Variants in NAP1L4 observed in about 807,000 individuals in gnomAD.
NAP1L4 encodes the protein nucleosome assembly protein 1 like 4.
A neutral mutation model predicts 58.2 loss-of-function variants in NAP1L4; 15 were observed. That is an observed-to-expected ratio of 0.26 (90% confidence interval 0.17 to 0.40). The LOEUF is 0.40. Among genes scored for constraint, NAP1L4 ranks in the 10% least tolerant of loss-of-function variants. The pLI, the probability that NAP1L4 is intolerant of heterozygous loss-of-function variation, is 1.00. For synonymous variants in NAP1L4, 171 were observed against 155.6 expected (o/e 1.10, Z -0.74); for missense variants, 384 against 451.1 (o/e 0.85, Z 1.35).
rs545842909 is a variant in NAP1L4 at position 2,953,216 on chromosome 11, A to G, written c.1035+1311T>C. Among the ~76,000 whole-genome samples the G allele has an allele frequency of 3.9e-5, 6 of 152,386 alleles. No homozygotes were observed. In the South Asian group the frequency reaches 1.2e-3, roughly 32 times the overall value. On this transcript the variant is annotated intron_variant, in intron 12 of 15. Coordinates refer to ENST00000380542, the MANE Select transcript of NAP1L4 (RefSeq NM_005969.4). ...ATTGTGAATGAAACGCACATGTACTATAAGCAAATGTGGCACAGTGCTCAC... is the reference window on the plus strand; with the variant it reads ...ATTGTGAATGAAACGCACATGTACTGTAAGCAAATGTGGCACAGTGCTCAC...
intron 4 of NAP1L4, 98 bp downstream of exon 4, chr11:2,975,926 A>C: frequency 2.8e-6 from 3 of 1,083,308 alleles, no homozygotes; most frequent in Non-Finnish European, 4.0e-6. Flanking sequence ...GAACGAAAAA[A>C]ACATTTAATC....
chr11:2,972,769 G>GACC (rs1275727719), intron 4 of NAP1L4, among the ~76,000 whole-genome samples: 2 of 152,172 alleles, frequency 1.3e-5, no homozygotes, highest in African/African-American at 4.8e-5. Context: ...AGGACTCCAA[G>GACC]ACCAGCCTGA....
chr11:2,951,840 T>A lies in NAP1L4; in HGVS notation c.1036-31A>T. On this transcript the variant is annotated intron_variant, in intron 12 of 15. Transcript: ENST00000380542. The surrounding 1 kb of genome is among the most constrained non-coding windows in gnomAD (Gnocchi z 4.0). ...GAAACACAGAAAAACATTTTTAGGTTTACAAAACATGACAGCAGCCTGCCC... is the reference window on the plus strand; with the variant it reads ...GAAACACAGAAAAACATTTTTAGGTATACAAAACATGACAGCAGCCTGCCC... The A allele has an allele frequency of 6.2e-7, 1 of 1,610,400 alleles. No individual in the cohort carries two copies. The highest frequency in any genetic ancestry group is 8.5e-7 in the Non-Finnish European group (1 of 1,176,846).
At chr11:2,958,846 T>A in intron 9 of NAP1L4, 1 of 345,498 alleles carries the variant, frequency 2.9e-6, no homozygotes, top group South Asian at 4.0e-5. Context: ...CCCCGTCAAG[T>A]CTGCATGATG....
At chr11:2,970,002 A>G (rs1204924240) in intron 6 of NAP1L4, 68 bp from the exon 7 acceptor site, 36 of 1,498,430 alleles carry the variant, frequency 2.4e-5, no homozygotes, top group Non-Finnish European at 3.0e-5. Flanking sequence ...CTTCACGTAG[A>G]ATATCGTTGC....
At position 2,959,479 on chromosome 11, in the gene NAP1L4, G is replaced by A. The variant is rs572959809; in HGVS notation, c.746+291C>T. On this transcript the variant is annotated intron_variant, in intron 9 of 15. Coordinates refer to ENST00000380542, the MANE Select transcript of NAP1L4 (RefSeq NM_005969.4). The surrounding 1 kb of genome is among the most constrained non-coding windows in gnomAD (Gnocchi z 4.9). ...TTCAATTTTAAGAACTTCAATTCAC[G>A]ATGTCTAGAGAATCCACTACTTTCA... Among the ~76,000 whole-genome samples the A allele has an allele frequency of 7.9e-5, 12 of 152,104 alleles. No individual in the cohort carries two copies. Among genetic ancestry groups the A allele is most frequent in the African/African-American group, 2.2e-4 (9 of 41,394 alleles).
chr11:2,986,224 A>G (rs1315191074), intron 1 of NAP1L4, among the ~76,000 whole-genome samples: 1 of 151,956 alleles, frequency 6.6e-6, no homozygotes, highest in Non-Finnish European at 1.5e-5. Context: ...AAATACAAAA[A>G]TCAGCTGGGC....
chr11:2,958,296 C>T (rs750040005), intron 10 of NAP1L4, 103 bp downstream of exon 10: 33 of 1,239,026 alleles, frequency 2.7e-5, no homozygotes, highest in Admixed American at 5.4e-5. Flanking sequence ...ACCACACTTG[C>T]CTGAAAAAAG....
At position 2,954,851 on chromosome 11, in the gene NAP1L4, G is replaced by C; in HGVS notation, c.916-205C>G. ...CTTTAAAGAGCTACTGAAGCAAAAT[G>C]GCAGAGAAAGTGGGAAGTGAGGGCC... On this transcript the variant is annotated intron_variant, in intron 11 of 15. Transcript: ENST00000380542. This position sits in a 1 kb window ranked among gnomAD's most constrained non-coding sequence, Gnocchi z 4.8. The C allele has an allele frequency of 1.6e-6, 1 of 624,138 alleles. No individual in the cohort carries two copies. The highest frequency in any genetic ancestry group is 2.6e-4 in the Middle Eastern group (1 of 3,890). The allele number at this position is 624,138 out of a possible 1,614,324, so 38.7% of individuals were successfully genotyped here.
In NAP1L4 at chr11:2,958,474, C is replaced by T. The variant is rs1375456716; in HGVS notation, c.817G>A (p.Gly273Ser). ...GTAATTGTTCTAACAGTGCCTCGAC[C>T]CTTATGCTTCTGCTTTTTCTTGATG... The part of the protein sequence containing the change: ...KTIKKKQKHK[G>S]RGTVRTITKQ... The change falls in exon 10 of 16, where the codon GGT becomes AGT. Residue 273 changes from glycine (G) to serine (S), a missense_variant. Gly to Ser is a moderately conservative substitution (Grantham distance 56, BLOSUM62 0). Coordinates refer to ENST00000380542, the MANE Select transcript of NAP1L4 (RefSeq NM_005969.4). 4 of 1,614,142 alleles carry T rather than the reference C, an allele frequency of 2.5e-6. No individual in the cohort carries two copies. Among genetic ancestry groups the T allele is most frequent in the East Asian group, 2.2e-5 (1 of 44,884 alleles).
chr11:2,959,137 G>C lies in NAP1L4; in HGVS notation c.747-593C>G, dbSNP rs1244594958. Among the ~76,000 whole-genome samples the C allele has an allele frequency of 6.6e-6, 1 of 152,134 alleles. No individual in the cohort carries two copies. Among genetic ancestry groups the C allele is most frequent in the East Asian group, 1.9e-4 (1 of 5,196 alleles). ...AGGCCTTTTTCTCACATGATGTCCT[G>C]GCCCTGGAAAATCATCTTTCTAAAT... On this transcript the variant is annotated intron_variant, in intron 9 of 15. Coordinates refer to ENST00000380542, the MANE Select transcript of NAP1L4 (RefSeq NM_005969.4). The surrounding 1 kb of genome is among the most constrained non-coding windows in gnomAD (Gnocchi z 4.9).
intron 1 of NAP1L4, among the ~76,000 whole-genome samples, chr11:2,982,160 C>T (rs1432614408): frequency 6.6e-6 from 1 of 152,130 alleles, no homozygotes; most frequent in African/African-American, 2.4e-5. Flanking sequence ...GCTTCCCACT[C>T]CCAGTTATCC....
chr11:2,979,046 G>A (rs1392446020), intron 2 of NAP1L4, among the ~76,000 whole-genome samples, 161 bp downstream of exon 2: 2 of 152,224 alleles, frequency 1.3e-5, no homozygotes, highest in African/African-American at 2.4e-5. Context: ...CATGTCGGAA[G>A]TAATTTCTTT....
intron 15 of NAP1L4, among the ~76,000 whole-genome samples, 164 bp from the exon 16 acceptor site, chr11:2,945,810 C>T (rs542477338): frequency 2.6e-5 from 4 of 152,160 alleles, no homozygotes; most frequent in Non-Finnish European, 4.4e-5. Flanking sequence ...AAGCTAACTC[C>T]CCCTACCACC....
chr11:2,980,216 G>A (rs1342435701), intron 1 of NAP1L4, among the ~76,000 whole-genome samples: 1 of 152,114 alleles, frequency 6.6e-6, no homozygotes, highest in Admixed American at 6.6e-5. Flanking sequence ...TTTTGAGACA[G>A]GATCTCAGTC....
rs140449453 is a variant in NAP1L4 at position 2,975,302 on chromosome 11, G to A, written c.173+722C>T. On this transcript the variant is annotated intron_variant, in intron 4 of 15. Transcript: ENST00000380542. The stretch of plus-strand genomic sequence containing the variant: ...ACTGCACTCCAGCCTGAACAACAGT[G>A]AGACTCCAACTCAAAAACCAAAAAT... Among the ~76,000 whole-genome samples the A allele has an allele frequency of 3.3e-4, 50 of 152,270 alleles. 2 individuals are homozygous for A. The East Asian group carries it at 9.6e-3, about 29-fold the overall frequency.
At chr11:2,986,799 T>G (rs1042119689) in intron 1 of NAP1L4, among the ~76,000 whole-genome samples, 1 of 130,566 alleles carries the variant, frequency 7.7e-6, no homozygotes, top group Non-Finnish European at 1.6e-5. Context: ...TTTTTTTTTT[T>G]GTATTTTTAG....
At chr11:2,990,225 T>C (rs1481356530) in intron 1 of NAP1L4, 1 of 152,128 alleles carries the variant, frequency 6.6e-6, no homozygotes, top group Non-Finnish European at 1.5e-5. Context: ...ATTGGATATG[T>C]AATAACAGCT....
At chr11:2,978,949 A>G (rs4758504) in intron 2 of NAP1L4, among the ~76,000 whole-genome samples, 127,776 of 152,250 alleles carry the variant, frequency 0.84, 54,064 homozygotes, top group African/African-American at 0.94. Flanking sequence ...AAAATTACCT[A>G]ACTTCACCCC....
Sources: gnomAD v4.1 joint callset for allele counts (sites outside exome capture counted in the v4.1 genomes callset) on GRCh38, gnomAD v4.1.1 for gene constraint, Gnocchi (gnomAD v3.1) non-coding constraint, MANE v1.5 for transcripts, NCBI Gene and HGNC (gene_info 2026-07-23, HGNC 2026-07-21) for gene names.